Variants in DNAJC1 observed in about 807,000 individuals in gnomAD.
DNAJC1 encodes the protein dnaJ homolog subfamily C member 1.
DNAJC1 carries 58 observed loss-of-function variants against 76.6 expected under a neutral mutation model. The observed-to-expected ratio is 0.76, with a 90% CI of 0.61 to 0.94. DNAJC1 has a LOEUF of 0.94. Ranked by LOEUF, DNAJC1 falls within the 40% of genes least tolerant of loss-of-function variation. The pLI is 0.00. For synonymous variants in DNAJC1, 258 were observed against 267.9 expected, an observed-to-expected ratio of 0.96 and a Z score of 0.36; for missense variants, 689 against 677.3, an observed-to-expected ratio of 1.02 and a Z score of -0.19.
intron 1 of DNAJC1, among the ~76,000 whole-genome samples, chr10:21,997,717 G>C (rs78790650): frequency 6.6e-6 from 1 of 152,168 alleles, no homozygotes; most frequent in African/African-American, 2.4e-5. Flanking sequence ...AATACAGGCC[G>C]AATGAGCTTA....
chr10:21,817,309 A>C (rs1038795577), intron 8 of DNAJC1, among the ~76,000 whole-genome samples: 2 of 152,086 alleles, frequency 1.3e-5, no homozygotes, highest in African/African-American at 4.8e-5. Context: ...TTTTGTAATA[A>C]AGTTATTTTA....
intron 1 of DNAJC1, among the ~76,000 whole-genome samples, chr10:21,962,392 T>G (rs1837809831): frequency 6.7e-6 from 1 of 150,366 alleles, no homozygotes; most frequent in Non-Finnish European, 1.5e-5. Flanking sequence ...GATGGCTCTA[T>G]TTTTACTCTA....
intron 8 of DNAJC1, among the ~76,000 whole-genome samples, chr10:21,807,502 T>G (rs147154579): frequency 6.6e-6 from 1 of 152,208 alleles, no homozygotes; most frequent in East Asian, 1.9e-4. Flanking sequence ...TCAAAGTGCA[T>G]TGCCCCTGTT....
intron 9 of DNAJC1, among the ~76,000 whole-genome samples, chr10:21,773,800 T>C (rs3951780): frequency 2.0e-5 from 3 of 150,516 alleles, no homozygotes; most frequent in Non-Finnish European, 3.0e-5. Context: ...TCCCTCTTTA[T>C]TAATTTTTTT....
At chr10:21,845,011 TG>T (rs1835633157) in intron 8 of DNAJC1, among the ~76,000 whole-genome samples, 1 of 152,242 alleles carries the variant, frequency 6.6e-6, no homozygotes, top group South Asian at 2.1e-4. Flanking sequence ...CACTCCAGCC[TG>T]GGTGACAGAG....
chr10:21,985,856 A>T (rs1405281093), intron 1 of DNAJC1, among the ~76,000 whole-genome samples: 1 of 152,176 alleles, frequency 6.6e-6, no homozygotes, highest in Non-Finnish European at 1.5e-5. Flanking sequence ...CTTTGTGTGG[A>T]CAAATATTTT....
At chr10:21,827,898 T>C (rs1284147375) in intron 8 of DNAJC1, among the ~76,000 whole-genome samples, 2 of 152,218 alleles carry the variant, frequency 1.3e-5, no homozygotes, top group East Asian at 1.9e-4. Flanking sequence ...CATGCTGCAA[T>C]GAACATCTTT....
chr10:21,808,720 C>A (rs955381251), intron 8 of DNAJC1, among the ~76,000 whole-genome samples: 1 of 152,222 alleles, frequency 6.6e-6, no homozygotes, highest in Non-Finnish European at 1.5e-5. Flanking sequence ...CTCTTCTAAT[C>A]TGGAGCCAAC....
chr10:21,929,910 C>G (rs1195010165), intron 1 of DNAJC1, among the ~76,000 whole-genome samples: 1 of 152,144 alleles, frequency 6.6e-6, no homozygotes, highest in Admixed American at 6.5e-5. Context: ...CAGGTAAAAT[C>G]AGACAACATC....
In DNAJC1 at chr10:21,837,990, G is replaced by A. The variant is rs563779197; in HGVS notation, c.979-31891C>T. Among the ~76,000 whole-genome samples the A allele has an allele frequency of 3.8e-3, 554 of 144,600 alleles. 5 individuals carry two copies. The highest frequency in any genetic ancestry group is 0.013 in the African/African-American group (516 of 39,350). The allele number at this position is 144,600 out of a possible 152,430, so 94.9% of individuals were successfully genotyped here. On this transcript the variant is annotated intron_variant, in intron 8 of 11. Transcript: ENST00000376980. ...GGGGGCAGTCCCCGCCCGGCCAGCC[G>A]CCCCGGCTGGGAGGTGGGGGGCGTC...
intron 9 of DNAJC1, among the ~76,000 whole-genome samples, chr10:21,771,035 CTGAG>C (rs753489135): frequency 9.2e-5 from 14 of 152,046 alleles, no homozygotes; most frequent in South Asian, 4.1e-4. Context: ...TAATTTATTC[CTGAG>C]TATTTTATTC....
At chr10:21,757,740 C>G (rs1009351084) in intron 11 of DNAJC1, among the ~76,000 whole-genome samples, 2 of 152,228 alleles carry the variant, frequency 1.3e-5, no homozygotes, top group Non-Finnish European at 2.9e-5. Context: ...TGAGCTGAGC[C>G]GTGCACGGCA....
intron 1 of DNAJC1, among the ~76,000 whole-genome samples, chr10:21,950,951 A>G (rs1837583910): frequency 6.6e-6 from 1 of 152,228 alleles, no homozygotes; most frequent in South Asian, 2.1e-4. Flanking sequence ...TCTCCACAAC[A>G]TAAAAGTGCT....
chr10:21,975,356 A>G (rs1838045781), intron 1 of DNAJC1, among the ~76,000 whole-genome samples: 1 of 152,126 alleles, frequency 6.6e-6, no homozygotes, highest in Non-Finnish European at 1.5e-5. Flanking sequence ...AGAGTGAGAG[A>G]GAGAGACCAA....
intron 10 of DNAJC1, among the ~76,000 whole-genome samples, chr10:21,762,411 T>A (rs1374136691): frequency 6.6e-6 from 1 of 152,128 alleles, no homozygotes; most frequent in African/African-American, 2.4e-5. Flanking sequence ...GGCTCCAAAT[T>A]TGCTTTATTT....
At position 21,928,885 on chromosome 10, in the gene DNAJC1, G is replaced by C. The variant is rs536161470; in HGVS notation, c.324+155C>G. 2.9e-4 allele frequency among the ~76,000 whole-genome samples: 44 copies of C among 151,642 alleles called. 3 individuals are homozygous for C. The highest frequency in any genetic ancestry group is 9.9e-4 in the African/African-American group (41 of 41,332). On this transcript the variant is annotated intron_variant, in intron 2 of 11. Coordinates refer to ENST00000376980, the MANE Select transcript of DNAJC1 (RefSeq NM_022365.4). ...GATGCTAATACAAAATAGTAAAAAT[G>C]CATTTTGTAGAAACTTGAAAAAAAA...
intron 9 of DNAJC1, among the ~76,000 whole-genome samples, chr10:21,786,252 T>C (rs984179817): frequency 1.3e-5 from 2 of 151,652 alleles, no homozygotes; most frequent in African/African-American, 4.9e-5. Context: ...AGTTACAATA[T>C]GATAAAGATA....
intron 8 of DNAJC1, among the ~76,000 whole-genome samples, chr10:21,852,340 T>C (rs1444331927): frequency 1.3e-5 from 2 of 152,114 alleles, no homozygotes; most frequent in Admixed American, 6.6e-5. Flanking sequence ...GAGAAGCAAT[T>C]GCTCAATGGG....
chr10:21,850,101 T>C (rs926873338), intron 8 of DNAJC1, among the ~76,000 whole-genome samples: 3 of 152,140 alleles, frequency 2.0e-5, no homozygotes, highest in Non-Finnish European at 4.4e-5. Context: ...TTAAACATAG[T>C]ACTGGAAGTT....
Sources: allele counts gnomAD v4.1 joint callset (sites outside exome capture counted in the v4.1 genomes callset), GRCh38; gene constraint gnomAD v4.1.1; transcripts MANE v1.5; gene names NCBI Gene and HGNC (gene_info 2026-07-23, HGNC 2026-07-21).